The following OSBPL9 variants were observed in gnomAD, a reference collection of about 807,000 sequenced individuals.
OSBPL9 encodes the protein oxysterol-binding protein-related protein 9.
Under a neutral mutation model 106.6 loss-of-function variants are expected in OSBPL9, and 40 were observed. The observed-to-expected ratio is 0.38, with a 90% CI of 0.29 to 0.49. The LOEUF is 0.49. Among genes scored for constraint, OSBPL9 ranks in the 20% least tolerant of loss-of-function variants. The pLI is 0.97. For synonymous variants in OSBPL9, 269 were observed against 295.4 expected (o/e 0.91, Z 0.92); for missense variants, 609 against 887.2 (o/e 0.69, Z 3.98).
the OSBPL9 span, among the ~76,000 whole-genome samples, chr1:51,527,335 GA>G: frequency 0.15 from 22,455 of 151,022 alleles, 2,506 homozygotes; most frequent in African/African-American, 0.31. Flanking sequence ...TGATGGTGAT[GA>G]TGATGATGAT....
At chr1:51,617,623 G>T (rs1187891271) in intron 1 of OSBPL9, among the ~76,000 whole-genome samples, 1 of 152,054 alleles carries the variant, frequency 6.6e-6, no homozygotes, top group African/African-American at 2.4e-5. Flanking sequence ...CCCTGTAGCC[G>T]GCCGCACCCC....
intron 11 of OSBPL9, among the ~76,000 whole-genome samples, chr1:51,762,910 A>C (rs929359903): frequency 3.3e-5 from 5 of 152,212 alleles, no homozygotes; most frequent in African/African-American, 1.2e-4. Context: ...ATATTTTTTT[A>C]GAAAACATTT....
chr1:51,760,530 C>T (rs1300089062), intron 9 of OSBPL9, 160 bp from the exon 10 acceptor site: 3 of 1,007,048 alleles, frequency 3.0e-6, no homozygotes, highest in African/African-American at 3.3e-5. Context: ...AACTCTTACA[C>T]TTCTGTATAG....
chr1:51,605,990 C>T (rs1418275009), intron 2 of OSBPL9, among the ~76,000 whole-genome samples: 3 of 129,888 alleles, frequency 2.3e-5, no homozygotes, highest in East Asian at 4.3e-4. Flanking sequence ...AGAAAGAGAG[C>T]GAGAGAGAGA....
chr1:51,563,273 A>G, the OSBPL9 span, among the ~76,000 whole-genome samples: 1 of 152,176 alleles, frequency 6.6e-6, no homozygotes, highest in Admixed American at 6.5e-5. Flanking sequence ...TGGCTCATTC[A>G]TGGACACCCT....
At chr1:51,561,299 G>T in the OSBPL9 span, among the ~76,000 whole-genome samples, 1 of 152,162 alleles carries the variant, frequency 6.6e-6, no homozygotes, top group Admixed American at 6.5e-5. Context: ...CTTAACAGAT[G>T]TATGTCTTCA....
chr1:51,596,258 CAAAAAAAA>C (rs35791042), intron 1 of OSBPL9, among the ~76,000 whole-genome samples: 1 of 48,358 alleles, frequency 2.1e-5, no homozygotes, highest in Non-Finnish European at 3.9e-5. Context: ...GACGCTGTCT[CAAAAAAAA>C]AAAAAAAAAA....
At chr1:51,757,247 A>G (rs1260128158) in intron 9 of OSBPL9, among the ~76,000 whole-genome samples, 2 of 152,160 alleles carry the variant, frequency 1.3e-5, no homozygotes, top group African/African-American at 4.8e-5. Flanking sequence ...TTAAGAAAGC[A>G]GAAGTAAAAT....
chr1:51,613,619 T>C (rs1644004428), upstream of OSBPL9, among the ~76,000 whole-genome samples: 3 of 152,090 alleles, frequency 2.0e-5, no homozygotes, highest in South Asian at 6.2e-4. Context: ...AGAAAAAAAA[T>C]ATCCAAAAAG....
intron 4 of OSBPL9, among the ~76,000 whole-genome samples, chr1:51,734,806 A>T (rs1385912047): frequency 6.6e-6 from 1 of 152,128 alleles, no homozygotes. Flanking sequence ...CTGCCCTGGT[A>T]GTCTCCACCC....
intron 4 of OSBPL9, among the ~76,000 whole-genome samples, chr1:51,737,887 G>A (rs1359206646): frequency 6.6e-6 from 1 of 152,128 alleles, no homozygotes. Context: ...CCTATATAGA[G>A]AGGGTGACCA....
Position 51,653,293 on chromosome 1 carries a change from T to C in OSBPL9, c.162+1252T>C, listed in dbSNP as rs146847807. ...GCTGTTGACCTCAGTCACCAGTCAG[T>C]CTGGTATTAACTGCTCTTTTGGCTT... On this transcript the variant is annotated intron_variant, in intron 2 of 23. Coordinates refer to ENST00000428468, the MANE Select transcript of OSBPL9 (RefSeq NM_024586.6). Among the ~76,000 whole-genome samples the C allele has an allele frequency of 8.7e-4, 132 of 152,336 alleles. 1 individual carries two copies. The East Asian group carries it at 0.024, about 28-fold the overall frequency.
At chr1:51,777,426 T>C (rs1320085335) in intron 15 of OSBPL9, among the ~76,000 whole-genome samples, 3 of 152,204 alleles carry the variant, frequency 2.0e-5, no homozygotes, top group Non-Finnish European at 2.9e-5. Flanking sequence ...ATGTATGAGA[T>C]AGAAGTAATG....
rs1473628206 is a variant in OSBPL9 at position 51,787,820 on chromosome 1, T to G, written c.*31T>G. 6.4e-7 allele frequency: 1 copy of G among 1,558,094 alleles called. No individual in the cohort carries two copies. Among genetic ancestry groups the G allele is most frequent in the East Asian group, 2.2e-5 (1 of 44,562 alleles). ...AAGATGCAAAGTTTATACCTGATGATCAGGGCAGTAGGCATAATTCAGCAA... is the reference window on the plus strand; with the variant it reads ...AAGATGCAAAGTTTATACCTGATGAGCAGGGCAGTAGGCATAATTCAGCAA... On this transcript the variant is annotated 3_prime_UTR_variant, in exon 24 of 24. Coordinates refer to ENST00000428468, the MANE Select transcript of OSBPL9 (RefSeq NM_024586.6).
At chr1:51,552,025 G>T in the OSBPL9 span, among the ~76,000 whole-genome samples, 1 of 143,248 alleles carries the variant, frequency 7.0e-6, no homozygotes, top group Non-Finnish European at 1.5e-5. Context: ...AATAAAATTG[G>T]TTCCAATTTA....
At chr1:51,626,856 T>G (rs188221912) in intron 1 of OSBPL9, among the ~76,000 whole-genome samples, 91 of 152,324 alleles carry the variant, frequency 6.0e-4, no homozygotes, top group Admixed American at 3.6e-3. Flanking sequence ...TATTTGTTCT[T>G]CTGCTGCTGC....
At chr1:51,543,847 A>T in the OSBPL9 span, among the ~76,000 whole-genome samples, 150,263 of 152,328 alleles carry the variant, frequency 0.99, 74,162 homozygotes, top group Middle Eastern at 1. Context: ...CCTCTTTGGA[A>T]GGAAACTGAC....
rs745919533 is a variant in OSBPL9, at chr1:51,787,756, A to G, written c.2178A>G (p.Pro726=). The G allele has an allele frequency of 1.2e-6, 2 of 1,613,602 alleles. No homozygotes were observed. The highest frequency in any genetic ancestry group is 1.1e-5 in the South Asian group (1 of 91,060). ...EDGECWVYDE[P]LLKRLGAAKH ...GAGAATGCTGGGTTTATGATGAACC[A>G]TTACTGAAACGTCTTGGTGCTGCCA... The change falls in exon 24 of 24, where the codon CCA becomes CCG. Residue 726 remains proline, a synonymous_variant. Coordinates refer to ENST00000428468, the MANE Select transcript of OSBPL9 (RefSeq NM_024586.6).
At chr1:51,632,661 G>A (rs984047214) in intron 1 of OSBPL9, among the ~76,000 whole-genome samples, 7 of 152,166 alleles carry the variant, frequency 4.6e-5, no homozygotes, top group Admixed American at 1.3e-4. Flanking sequence ...GCCTGCGATG[G>A]GGGGAGAAGT....
Sources: gnomAD v4.1 joint callset for allele counts (sites outside exome capture counted in the v4.1 genomes callset) on GRCh38, gnomAD v4.1.1 for gene constraint, MANE v1.5 for transcripts, NCBI Gene and HGNC (gene_info 2026-07-23, HGNC 2026-07-21) for gene names.